PIK3R1: variants seen among roughly 807,000 people sequenced by gnomAD.
The protein encoded by PIK3R1 is phosphatidylinositol 3-kinase regulatory subunit alpha.
Under a neutral mutation model 98.0 loss-of-function variants are expected in PIK3R1, and 29 were observed. The observed-to-expected ratio is 0.30, with a 90% confidence interval of 0.22 to 0.40. PIK3R1 has a LOEUF of 0.40. Among genes scored for constraint, PIK3R1 ranks in the 10% least tolerant of loss-of-function variants. The pLI is 1.00. For missense variants in PIK3R1, 596 were observed against 872.7 expected (o/e 0.68, Z 3.99); for synonymous variants, 282 against 311.8 (o/e 0.90, Z 1.01).
intron 7 of PIK3R1, among the ~76,000 whole-genome samples, chr5:68,290,166 T>C (rs1747309485): frequency 6.6e-6 from 1 of 152,222 alleles, no homozygotes; most frequent in South Asian, 2.1e-4. Context: ...TTTCAGTGAA[T>C]TATGGAGGAC....
rs1744992509 is a variant in PIK3R1, at chr5:68,244,494, GC to G, written c.334+17487del. Among the ~76,000 whole-genome samples, 2 of 100,592 alleles carry G rather than the reference GC, an allele frequency of 2.0e-5. 1 individual carries two copies. 66.0% of individuals were successfully genotyped at this position (100,592 alleles called of 152,430 possible). On this transcript the variant is annotated intron_variant, in intron 2 of 15. Transcript: ENST00000521381. ...TGTGGGTATGAAGATGAGTTTTAGG[GC>G]CGCCTATTTCTCTAGGACCGCCCCC...
Position 68,280,517 on chromosome 5 carries a change from T to A in PIK3R1, c.635-11T>A, listed in dbSNP as rs745306907. ...ACTCATTTCTCTTTTTTTTTTTTTTTAAACTTGTAGAAGTACAAAGCTCCG... is the reference window on the plus strand; with the variant it reads ...ACTCATTTCTCTTTTTTTTTTTTTTAAAACTTGTAGAAGTACAAAGCTCCG... On this transcript the variant is annotated splice_polypyrimidine_tract_variant and intron_variant, in intron 5 of 15. Coordinates refer to ENST00000521381, the MANE Select transcript of PIK3R1 (RefSeq NM_181523.3). 61 of 1,506,392 alleles carry A rather than the reference T, an allele frequency of 4.0e-5. No individual in the cohort carries two copies. The highest frequency in any genetic ancestry group is 4.7e-5 in the Non-Finnish European group (52 of 1,103,722). The allele number at this position is 1,506,392 out of a possible 1,614,324, so 93.3% of individuals were successfully genotyped here. A position where few individuals can be genotyped will look rare whatever the true frequency, so the allele number is the denominator to read the frequency against.
chr5:68,247,520 T>C (rs1228152243), intron 2 of PIK3R1, among the ~76,000 whole-genome samples: 2 of 151,850 alleles, frequency 1.3e-5, no homozygotes, highest in African/African-American at 4.8e-5. Flanking sequence ...TCAAGTGATC[T>C]GTCTGCCTCA....
chr5:68,261,357 T>TA (rs1364523308), intron 2 of PIK3R1, among the ~76,000 whole-genome samples: 1 of 152,206 alleles, frequency 6.6e-6, no homozygotes, highest in Non-Finnish European at 1.5e-5. Context: ...TGCCCAAAGT[T>TA]ACCAACATGT....
intron 2 of PIK3R1, among the ~76,000 whole-genome samples, chr5:68,272,076 C>T (rs895903532): frequency 6.6e-6 from 1 of 151,696 alleles, no homozygotes; most frequent in African/African-American, 2.4e-5. Flanking sequence ...TATGGCAAAA[C>T]CCCGTCTCTA....
chr5:68,253,189 A>G (rs1245926471), intron 2 of PIK3R1, among the ~76,000 whole-genome samples: 2 of 152,146 alleles, frequency 1.3e-5, no homozygotes, highest in African/African-American at 4.8e-5. Context: ...TCTGCTTGTC[A>G]TAGTTTTACT....
chr5:68,239,475 G>T lies in PIK3R1; in HGVS notation c.334+12466G>T, dbSNP rs556867753. On this transcript the variant is annotated intron_variant, in intron 2 of 15. Transcript: ENST00000521381. ...GTTCAACACACGCATTATTTTTCAG[G>T]TACTGCACTAACCTTTTATTCCATT... Among the ~76,000 whole-genome samples, 11 of 152,130 alleles carry T rather than the reference G, an allele frequency of 7.2e-5. 1 individual carries two copies. Among genetic ancestry groups the T allele is most frequent in the African/African-American group, 2.7e-4 (11 of 41,456 alleles).
At position 68,300,401 on chromosome 5, in the gene PIK3R1, C is replaced by T. The variant is rs1446284887; in HGVS notation, c.*2800C>T. 4.3e-6 allele frequency: 1 copy of T among 232,830 alleles called. No homozygotes were observed. The highest frequency in any genetic ancestry group is 8.5e-6 in the Non-Finnish European group (1 of 117,866). The allele number at this position is 232,830 out of a possible 1,614,324, so 14.4% of individuals were successfully genotyped here. A position where few individuals can be genotyped will look rare whatever the true frequency, so the allele number is the denominator to read the frequency against. On this transcript the variant is annotated 3_prime_UTR_variant, in exon 16 of 16. Coordinates refer to ENST00000521381, the MANE Select transcript of PIK3R1 (RefSeq NM_181523.3). ...AACGGCTGAATATGAATAGATACAGCAGAGGCACTCCTGATATATGATTTT... is the reference window on the plus strand; with the variant it reads ...AACGGCTGAATATGAATAGATACAGTAGAGGCACTCCTGATATATGATTTT...
intron 2 of PIK3R1, among the ~76,000 whole-genome samples, chr5:68,238,909 T>C (rs1236109891): frequency 6.6e-6 from 1 of 151,836 alleles, no homozygotes; most frequent in Non-Finnish European, 1.5e-5. Context: ...CTTGCCAAAA[T>C]ATCTGGCAAG....
intron 2 of PIK3R1, among the ~76,000 whole-genome samples, chr5:68,235,922 G>A (rs1049521156): frequency 1.3e-5 from 2 of 149,206 alleles, no homozygotes; most frequent in Non-Finnish European, 3.0e-5. Flanking sequence ...CCAGGCTGGA[G>A]TGCAGTGGCT....
In PIK3R1 at chr5:68,260,964, T is replaced by C. The variant is rs139637896; in HGVS notation, c.335-12426T>C. Among the ~76,000 whole-genome samples, 1,158 of 152,334 alleles carry C rather than the reference T, an allele frequency of 7.6e-3. 9 individuals carry two copies. The highest frequency in any genetic ancestry group is 0.02 in the South Asian group (97 of 4,828). On this transcript the variant is annotated intron_variant, in intron 2 of 15. Transcript: ENST00000521381. ...GAAAATGTATACCAAAACACTATTT[T>C]AAACCACCTATCCCCTGGGTTAGAA...
At chr5:68,276,561 A>C (rs1746578427) in intron 4 of PIK3R1, among the ~76,000 whole-genome samples, 1 of 152,164 alleles carries the variant, frequency 6.6e-6, no homozygotes, top group Admixed American at 6.5e-5. Context: ...CCCAGACCTA[A>C]AGATTATGTA....
At chr5:68,234,615 G>T (rs757514595) in intron 2 of PIK3R1, among the ~76,000 whole-genome samples, 25 of 152,284 alleles carry the variant, frequency 1.6e-4, no homozygotes, top group Non-Finnish European at 3.2e-4. Context: ...ATCTAAACTG[G>T]TTTGAGACTT....
intron 2 of PIK3R1, among the ~76,000 whole-genome samples, chr5:68,258,787 G>C (rs1745623987): frequency 6.6e-6 from 1 of 152,140 alleles, no homozygotes; most frequent in African/African-American, 2.4e-5. Flanking sequence ...TCCACACCCT[G>C]CATTGTGACA....
intron 4 of PIK3R1, among the ~76,000 whole-genome samples, chr5:68,275,856 A>G (rs142915762): frequency 1.3e-5 from 2 of 152,314 alleles, no homozygotes; most frequent in Admixed American, 6.5e-5. Context: ...GCTTTTAACT[A>G]ACCTTGTGAA....
intron 2 of PIK3R1, among the ~76,000 whole-genome samples, 161 bp from the exon 3 acceptor site, chr5:68,273,229 C>G (rs547282627): frequency 6.6e-6 from 1 of 152,308 alleles, no homozygotes; most frequent in South Asian, 2.1e-4. Context: ...AGGTGAGAAG[C>G]AGTGGGCATA....
intron 1 of PIK3R1, among the ~76,000 whole-genome samples, chr5:68,224,404 G>A (rs930610074): frequency 7.2e-5 from 11 of 152,170 alleles, no homozygotes; most frequent in African/African-American, 2.4e-4. Context: ...ATGCGAAGTA[G>A]AGTACTATCC....
intron 2 of PIK3R1, among the ~76,000 whole-genome samples, chr5:68,249,966 A>C (rs1237113018): frequency 1.3e-5 from 2 of 152,188 alleles, no homozygotes; most frequent in Non-Finnish European, 2.9e-5. Context: ...CTCTATGCCA[A>C]GTGTTGGGCT....
chr5:68,300,029 TA>T lies in PIK3R1; in HGVS notation c.*2429del. 4.3e-6 allele frequency: 1 copy of T among 233,272 alleles called. No homozygotes were observed. The highest frequency in any genetic ancestry group is 8.5e-6 in the Non-Finnish European group (1 of 118,030). The allele number at this position is 233,272 out of a possible 1,614,324, so 14.5% of individuals were successfully genotyped here. A position where few individuals can be genotyped will look rare whatever the true frequency, so the allele number is the denominator to read the frequency against. ...GTGGGTATTTTTTTGGTAGCACATG[TA>T]TGCTATTACATACAAATTTTTATTT... is the stretch of plus-strand genomic sequence containing the variant. On this transcript the variant is annotated 3_prime_UTR_variant, in exon 16 of 16. Coordinates refer to ENST00000521381, the MANE Select transcript of PIK3R1 (RefSeq NM_181523.3).
Sources: allele counts gnomAD v4.1 joint callset (sites outside exome capture counted in the v4.1 genomes callset), GRCh38; gene constraint gnomAD v4.1.1; transcripts MANE v1.5; gene names NCBI Gene and HGNC (gene_info 2026-07-23, HGNC 2026-07-21).